The following PCDHGA3 variants were observed in gnomAD, a reference collection of about 807,000 sequenced individuals.
PCDHGA3 encodes the protein protocadherin gamma subfamily A, 3, also known as protocadherin gamma-A3.
In PCDHGA3, 40 loss-of-function variants were observed where a neutral mutation model predicts 58.5. The ratio of observed to expected loss-of-function variants is 0.68; its 90% CI spans 0.53 to 0.89. The LOEUF is 0.89. PCDHGA3 is among the 40% of genes least tolerant of loss of function. PCDHGA3 has a pLI of 0.00. For synonymous variants in PCDHGA3, 530 were observed against 525.7 expected (o/e 1.01, Z -0.11); for missense variants, 1,223 against 1,195.9 (o/e 1.02, Z -0.33).
At chr5:141,376,366 A>G in intron 1 of PCDHGA3, 12 of 1,614,204 alleles carry the variant, frequency 7.4e-6, no homozygotes, top group South Asian at 1.1e-5. Flanking sequence ...CACTCACTGC[A>G]GACTCGCGTA....
At chr5:141,379,014 T>C (rs1440666109) in intron 1 of PCDHGA3, 2 of 152,222 alleles carry the variant, frequency 1.3e-5, no homozygotes, top group South Asian at 4.1e-4. Context: ...TCTCCAGTCA[T>C]GAGTTGGAAG....
chr5:141,374,734 C>A, intron 1 of PCDHGA3: 1 of 1,610,164 alleles, frequency 6.2e-7, no homozygotes, highest in East Asian at 2.2e-5. Flanking sequence ...CCATGGATGG[C>A]GGCGACCCTG....
chr5:141,399,527 T>A (rs781680585), intron 1 of PCDHGA3: 2 of 1,614,016 alleles, frequency 1.2e-6, no homozygotes, highest in East Asian at 2.2e-5. Context: ...GGGGCCTCCA[T>A]CGCGCAAGTC....
intron 1 of PCDHGA3, chr5:141,376,316 G>C: frequency 6.2e-7 from 1 of 1,614,224 alleles, no homozygotes; most frequent in South Asian, 1.1e-5. Flanking sequence ...GGGCGTGGAA[G>C]GGGTTCGGGC....
At chr5:141,421,461 G>C (rs1216014695) in intron 1 of PCDHGA3, 2 of 1,614,034 alleles carry the variant, frequency 1.2e-6, no homozygotes, top group Non-Finnish European at 8.5e-7. Context: ...TTTTCGCTGT[G>C]AATCCGCGAA....
Position 141,345,570 on chromosome 5 carries a change from G to T in PCDHGA3, c.1537G>T (p.Val513Phe). Reference protein sequence around the residue: ...SFVSINSNTGVLYALRSFDYE... With the variant: ...SFVSINSNTGFLYALRSFDYE... ...CGTCTCTATCAACTCCAACACTGGC[G>T]TCCTATACGCGCTGAGATCCTTCGA... The change falls in exon 1 of 4, where the codon GTC becomes TTC. Residue 513 changes from valine to phenylalanine, a missense_variant. Around this residue, in one of 3 missense-constraint regions of PCDHGA3, gnomAD observed 791 missense variants for 708.5 expected, o/e 1.12. Transcript: ENST00000253812. 1 of 1,614,152 alleles carries T rather than the reference G, an allele frequency of 6.2e-7. No individual in the cohort carries two copies. The highest frequency in any genetic ancestry group is 1.1e-5 in the South Asian group (1 of 91,078).
At chr5:141,443,126 A>G (rs972396091) in intron 1 of PCDHGA3, among the ~76,000 whole-genome samples, 1 of 152,190 alleles carries the variant, frequency 6.6e-6, no homozygotes, top group Non-Finnish European at 1.5e-5. Context: ...AACCAGATTA[A>G]GAACACTATC....
intron 1 of PCDHGA3, chr5:141,433,240 C>A (rs533423214): frequency 1.3e-6 from 2 of 1,488,038 alleles, no homozygotes; most frequent in Non-Finnish European, 1.8e-6. Flanking sequence ...GTCTCCCAAG[C>A]TGGAATGCAG....
chr5:141,357,392 G>C, intron 1 of PCDHGA3: 1 of 1,614,246 alleles, frequency 6.2e-7, no homozygotes, highest in Non-Finnish European at 8.5e-7. Context: ...GAAGGCAGCA[G>C]GTTGGCAGGT....
chr5:141,346,319 C>T lies in PCDHGA3; in HGVS notation c.2286C>T (p.Asp762=), dbSNP rs745940898. The T allele has an allele frequency of 3.1e-6, 5 of 1,614,222 alleles. No homozygotes were observed. The highest frequency in any genetic ancestry group is 4.2e-6 in the Non-Finnish European group (5 of 1,180,036). Reference sequence around the variant, plus strand: ...CCCACGAGGTCTCCCTCACTGCGGACTCGCGGAAGAGCCACCTGATTTTCC... The same window carrying T: ...CCCACGAGGTCTCCCTCACTGCGGATTCGCGGAAGAGCCACCTGATTTTCC... ...TYSHEVSLTA[D]SRKSHLIFPQ... is the part of the protein sequence containing the mutation. Residue 762 remains aspartate, a synonymous_variant, in exon 1 of 4, where the codon GAC becomes GAT. Transcript: ENST00000253812.
intron 1 of PCDHGA3, chr5:141,410,822 A>C: frequency 2.2e-6 from 1 of 461,410 alleles, no homozygotes; most frequent in Non-Finnish European, 3.6e-6. Context: ...AAATAATGTC[A>C]CCAGACTGAA....
chr5:141,375,451 C>G (rs1561567898), intron 1 of PCDHGA3: 9 of 1,614,016 alleles, frequency 5.6e-6, no homozygotes, highest in Non-Finnish European at 7.6e-6. Flanking sequence ...CCCATTCATC[C>G]TACTCAGTCT....
In PCDHGA3 at chr5:141,402,880, A is replaced by T; in HGVS notation, c.2424+56423A>T. The T allele has an allele frequency of 1.4e-6, 2 of 1,474,944 alleles. 1 individual carries two copies. The highest frequency in any genetic ancestry group is 2.9e-5 in the South Asian group (2 of 68,686). 91.4% of individuals were successfully genotyped at this position (1,474,944 alleles called of 1,614,324 possible). On this transcript the variant is annotated intron_variant, in intron 1 of 3. Coordinates refer to ENST00000253812, the MANE Select transcript of PCDHGA3 (RefSeq NM_018916.4). ...TAAGGAAAAGATCACCATACTTTGCAGGGTGGAAGAAAGAACCTGATGAAG... is the reference window on the plus strand; with the variant it reads ...TAAGGAAAAGATCACCATACTTTGCTGGGTGGAAGAAAGAACCTGATGAAG...
intron 1 of PCDHGA3, among the ~76,000 whole-genome samples, chr5:141,449,636 TA>T (rs1448731592): frequency 7.3e-5 from 11 of 150,610 alleles, no homozygotes; most frequent in Non-Finnish European, 1.2e-4. Flanking sequence ...AAGATGTATC[TA>T]TATATACATA....
chr5:141,362,442 C>T (rs1762499161), intron 1 of PCDHGA3: 1 of 1,614,062 alleles, frequency 6.2e-7, no homozygotes, highest in South Asian at 1.1e-5. Flanking sequence ...ATTTTCTGAA[C>T]ATAACCCCGG....
chr5:141,422,349 T>C (rs768693451), intron 1 of PCDHGA3: 95 of 1,554,604 alleles, frequency 6.1e-5, no homozygotes, highest in Non-Finnish European at 8.2e-5. Flanking sequence ...ATGTGCAAGA[T>C]CAAGATTCTG....
intron 1 of PCDHGA3, among the ~76,000 whole-genome samples, chr5:141,407,336 G>A (rs1005803062): frequency 6.6e-6 from 1 of 152,240 alleles, no homozygotes; most frequent in Admixed American, 6.5e-5. Flanking sequence ...ATATTGAAAT[G>A]TATGTTAATT....
chr5:141,385,109 C>T (rs931773405), intron 1 of PCDHGA3: 5 of 1,614,174 alleles, frequency 3.1e-6, no homozygotes, highest in Non-Finnish European at 4.2e-6. Flanking sequence ...AACGTGCCCA[C>T]CTCGCACTTT....
intron 1 of PCDHGA3, chr5:141,384,810 C>G: frequency 6.2e-7 from 1 of 1,613,420 alleles, no homozygotes; most frequent in Non-Finnish European, 8.5e-7. Flanking sequence ...ACAGAGATGC[C>G]CTCAAGCAGA....
Sources: allele counts gnomAD v4.1 joint callset (sites outside exome capture counted in the v4.1 genomes callset), GRCh38; gene constraint gnomAD v4.1.1; regional missense constraint gnomAD v4.1.1; transcripts MANE v1.5; gene names NCBI Gene and HGNC (gene_info 2026-07-23, HGNC 2026-07-21).